Variants in TJP3 observed in about 807,000 individuals in gnomAD.
The protein encoded by TJP3 is tight junction protein ZO-3.
In TJP3, 85 loss-of-function variants were observed where a neutral mutation model predicts 104.2. The ratio of observed to expected loss-of-function variants is 0.82; its 90% CI spans 0.68 to 0.98. TJP3 has a LOEUF of 0.98. TJP3 is among the 50% of genes least tolerant of loss of function. The probability of loss-of-function intolerance (pLI) is 0.00; values close to 1 mark genes in which losing one functional copy is unlikely to be tolerated. For missense variants in TJP3, 1,367 were observed against 1,322.8 expected (o/e 1.03, Z -0.52); for synonymous variants, 550 against 550.6 (o/e 1.00, Z 0.02).
intron 1 of TJP3, among the ~76,000 whole-genome samples, chr19:3,721,207 G>GC (rs1428973059): frequency 6.6e-6 from 1 of 152,000 alleles, no homozygotes; most frequent in Admixed American, 6.6e-5. Flanking sequence ...GCCCTGCCCT[G>GC]CCCCCTTTCT....
Position 3,734,437 on chromosome 19 carries a change from T to C in TJP3, c.986+2T>C. ...GGCCAGCCAGACCGACTCTCCCGTG[T>C]AAGTATCACCCATCGGCCAGAATGG... On this transcript the variant is annotated splice_donor_variant, in intron 8 of 20. Coordinates refer to ENST00000541714, the MANE Select transcript of TJP3 (RefSeq NM_001267560.2). LOFTEE classifies it high-confidence loss of function. 1 of 1,603,522 alleles carries C rather than the reference T, an allele frequency of 6.2e-7. No homozygotes were observed. The highest frequency in any genetic ancestry group is 8.5e-7 in the Non-Finnish European group (1 of 1,176,248).
chr19:3,716,799 A>ATTTT (rs1474982158), intron 1 of TJP3, among the ~76,000 whole-genome samples: 63 of 73,052 alleles, frequency 8.6e-4, no homozygotes, highest in African/African-American at 2.9e-3. Flanking sequence ...ATATATATAT[A>ATTTT]TATTTTTTTT....
chr19:3,715,473 G>C (rs2036469465), intron 1 of TJP3, among the ~76,000 whole-genome samples: 1 of 152,166 alleles, frequency 6.6e-6, no homozygotes, highest in African/African-American at 2.4e-5. Context: ...CATCTCCAAA[G>C]CCTTGGATTT....
At chr19:3,729,696 C>A (rs778138945) in intron 3 of TJP3, among the ~76,000 whole-genome samples, 8 of 149,456 alleles carry the variant, frequency 5.4e-5, no homozygotes, top group Admixed American at 3.4e-4. Flanking sequence ...GCAGAAGGAT[C>A]GTTTGAAACG....
At chr19:3,747,159 C>A (rs915084663) in intron 18 of TJP3, among the ~76,000 whole-genome samples, 5 of 151,612 alleles carry the variant, frequency 3.3e-5, no homozygotes, top group African/African-American at 1.2e-4. Flanking sequence ...CTCCCGGGTT[C>A]AAGTGATTCT....
chr19:3,732,186 G>A, intron 6 of TJP3, 148 bp downstream of exon 6: 1 of 623,350 alleles, frequency 1.6e-6, no homozygotes, highest in Non-Finnish European at 2.7e-6. Context: ...GGTTGCAGAT[G>A]GCCAGGCATA....
At chr19:3,716,352 T>C (rs534510267) in intron 1 of TJP3, among the ~76,000 whole-genome samples, 2 of 148,416 alleles carry the variant, frequency 1.3e-5, no homozygotes, top group South Asian at 2.3e-4. Context: ...GAATTACAGG[T>C]GTGAGTCACC....
intron 11 of TJP3, among the ~76,000 whole-genome samples, chr19:3,736,785 A>G (rs941552754): frequency 6.6e-6 from 1 of 151,950 alleles, no homozygotes; most frequent in African/African-American, 2.4e-5. Flanking sequence ...CATGTTGGCC[A>G]GGCTGGTCTC....
At chr19:3,710,737 G>A (rs1017163526) in intron 1 of TJP3, among the ~76,000 whole-genome samples, 2 of 151,938 alleles carry the variant, frequency 1.3e-5, no homozygotes. Context: ...CGAGTGTGGG[G>A]TCACCAGGCC....
At chr19:3,733,525 T>G (rs2145687004) in intron 6 of TJP3, among the ~76,000 whole-genome samples, 1 of 152,304 alleles carries the variant, frequency 6.6e-6, no homozygotes, top group Middle Eastern at 3.4e-3. Context: ...TTCCCCAGTG[T>G]CTCCCACCCC....
Position 3,750,169 on chromosome 19 carries a change from G to T in TJP3, c.2642G>T (p.Arg881Leu). ...AGCCGCCACCCCCAGGGACAGTGGCGACAGGACAGCATGCGGTAAGAACCC... is the reference window on the plus strand; with the variant it reads ...AGCCGCCACCCCCAGGGACAGTGGCTACAGGACAGCATGCGGTAAGAACCC... Reference protein sequence around the residue: ...VDSRHPQGQWRQDSMRTYERE... With the variant: ...VDSRHPQGQWLQDSMRTYERE... The change falls in exon 20 of 21, where the codon CGA (arginine) becomes CTA (leucine). Residue 881 changes from arginine to leucine, a missense_variant. Transcript: ENST00000541714. The T allele has an allele frequency of 6.2e-7, 1 of 1,613,582 alleles. No individual in the cohort carries two copies. Among genetic ancestry groups the T allele is most frequent in the South Asian group, 1.1e-5 (1 of 91,030 alleles).
At position 3,734,442 on chromosome 19, in the gene TJP3, A is replaced by T. The variant is rs1391814637; in HGVS notation, c.986+7A>T. On this transcript the variant is annotated splice_region_variant and intron_variant, in intron 8 of 20. Transcript: ENST00000541714. ...GCCAGACCGACTCTCCCGTGTAAGT[A>T]TCACCCATCGGCCAGAATGGTGATA... 1 of 1,599,352 alleles carries T rather than the reference A, an allele frequency of 6.3e-7. No individual in the cohort carries two copies. The highest frequency in any genetic ancestry group is 1.3e-5 in the African/African-American group (1 of 74,654).
chr19:3,719,668 G>T (rs570809167), intron 1 of TJP3, among the ~76,000 whole-genome samples: 2 of 150,896 alleles, frequency 1.3e-5, no homozygotes, highest in African/African-American at 4.9e-5. Context: ...CCCGGGAGGC[G>T]GAGCTTGCAG....
rs762418804 is a variant in TJP3 at position 3,740,758 on chromosome 19, G to A, written c.1838G>A (p.Arg613Gln). Residue 613 changes from arginine to glutamine, a missense_variant, in exon 14 of 21, where the codon CGA becomes CAA. Physicochemically the swap from Arg to Gln is conservative, Grantham distance 43. Coordinates refer to ENST00000541714, the MANE Select transcript of TJP3 (RefSeq NM_001267560.2). Reference sequence around the variant, plus strand: ...CCGCCCTACGAACGAGTGGTGTTGCGAGAAGGTGGGGCCCGGAGCTGGAGG... The same window carrying A: ...CCGCCCTACGAACGAGTGGTGTTGCAAGAAGGTGGGGCCCGGAGCTGGAGG... Reference protein sequence around the residue: ...RYPPYERVVLREASFKRPVVI... With the variant: ...RYPPYERVVLQEASFKRPVVI... The A allele has an allele frequency of 3.8e-5, 59 of 1,572,396 alleles. 2 individuals carry two copies. Among genetic ancestry groups the A allele is most frequent in the South Asian group, 8.1e-5 (7 of 86,378 alleles).
intron 1 of TJP3, among the ~76,000 whole-genome samples, chr19:3,725,726 A>G (rs1001919155): frequency 5.3e-5 from 8 of 151,918 alleles, no homozygotes; most frequent in African/African-American, 1.7e-4. Context: ...ACAAGGAGAA[A>G]GTCATTATTT....
intron 1 of TJP3, among the ~76,000 whole-genome samples, chr19:3,721,195 C>T (rs750508808): frequency 9.9e-5 from 15 of 152,150 alleles, no homozygotes; most frequent in South Asian, 2.1e-4. Context: ...CCACCGCGCC[C>T]GGCCCTGCCC....
Position 3,730,305 on chromosome 19 carries a change from T to TC in TJP3, c.262-45dup. On this transcript the variant is annotated intron_variant, in intron 4 of 20. Transcript: ENST00000541714. The surrounding 1 kb of genome is among the most constrained non-coding windows in gnomAD (Gnocchi z 7.3). ...GGCCACCCGGGGGCTGAGCAGAGCC[T>TC]CCCCCAGCCCTTGCCTGTAGCTGAC... is the stretch of plus-strand genomic sequence containing the variant. The TC allele has an allele frequency of 6.7e-7, 1 of 1,492,682 alleles. No individual in the cohort carries two copies. The highest frequency in any genetic ancestry group is 1.3e-5 in the South Asian group (1 of 75,704). 92.5% of individuals were successfully genotyped at this position (1,492,682 alleles called of 1,614,324 possible).
Position 3,730,081 on chromosome 19 carries a change from C to T in TJP3, c.212C>T (p.Ser71Phe), listed in dbSNP as rs777954861. ...VNGVSMENAT[S>F]AFAIQILKTC... ...GGGGTTTCCATGGAGAATGCCACCT[C>T]CGCGTTTGCCATTCAGATACTCAAG... Residue 71 changes from serine (S) to phenylalanine (F), a missense_variant, in exon 4 of 21, where the codon TCC becomes TTC. Ser to Phe is a radical substitution (Grantham distance 155, BLOSUM62 -2). Transcript: ENST00000541714. The surrounding 1 kb of genome is among the most constrained non-coding windows in gnomAD (Gnocchi z 7.3). 3.7e-6 allele frequency: 6 copies of T among 1,614,050 alleles called. No individual in the cohort carries two copies. In the Admixed American group the frequency reaches 1.0e-4, roughly 27 times the overall value.
intron 3 of TJP3, 125 bp from the exon 4 acceptor site, chr19:3,729,903 A>G (rs2145682181): frequency 1.4e-6 from 1 of 725,034 alleles, no homozygotes; most frequent in East Asian, 2.5e-5. Context: ...ACCTAGGGAC[A>G]CCAATGAATT....
Sources: gnomAD v4.1 joint callset for allele counts (sites outside exome capture counted in the v4.1 genomes callset) on GRCh38, gnomAD v4.1.1 for gene constraint, Gnocchi (gnomAD v3.1) non-coding constraint, MANE v1.5 for transcripts, NCBI Gene and HGNC (gene_info 2026-07-23, HGNC 2026-07-21) for gene names.